Variants in EDIL3 observed in about 807,000 individuals in gnomAD.
The protein encoded by EDIL3 is EGF-like repeat and discoidin I-like domain-containing protein 3.
Under a neutral mutation model 67.4 loss-of-function variants are expected in EDIL3, and 37 were observed. The ratio of observed to expected loss-of-function variants is 0.55; its 90% CI spans 0.42 to 0.72. The LOEUF is 0.72. Ranked by LOEUF, EDIL3 falls within the 30% of genes least tolerant of loss-of-function variation. EDIL3 has a pLI of 0.00. For synonymous variants in EDIL3, 195 were observed against 196.3 expected (o/e 0.99, Z 0.05); for missense variants, 527 against 586.3 (o/e 0.90, Z 1.04).
intron 4 of EDIL3, among the ~76,000 whole-genome samples, chr5:84,156,067 A>G (rs1366417396): frequency 2.0e-5 from 3 of 152,204 alleles, no homozygotes; most frequent in Non-Finnish European, 4.4e-5. Context: ...GCTGGGAGAA[A>G]GTAGCAAGGC....
chr5:84,195,841 G>T (rs1743692424), intron 3 of EDIL3, among the ~76,000 whole-genome samples: 1 of 151,964 alleles, frequency 6.6e-6, no homozygotes, highest in South Asian at 2.1e-4. Context: ...TTATGTCATA[G>T]AACTTGAAGG....
chr5:84,328,234 T>C (rs1027241683), intron 1 of EDIL3, among the ~76,000 whole-genome samples: 3 of 152,056 alleles, frequency 2.0e-5, no homozygotes, highest in Non-Finnish European at 2.9e-5. Context: ...CTAGATGTTC[T>C]ATATGTGGAA....
At chr5:84,034,387 A>C (rs1745981523) in intron 9 of EDIL3, among the ~76,000 whole-genome samples, 1 of 152,094 alleles carries the variant, frequency 6.6e-6, no homozygotes, top group Non-Finnish European at 1.5e-5. Context: ...TATTTTGTCC[A>C]CATTTTAGGT....
chr5:84,294,939 T>G (rs1746013197), intron 1 of EDIL3, among the ~76,000 whole-genome samples: 1 of 152,162 alleles, frequency 6.6e-6, no homozygotes, highest in Non-Finnish European at 1.5e-5. Context: ...AAAATTGAAG[T>G]GTGACAGTAA....
At chr5:84,315,465 A>C (rs1194810866) in intron 1 of EDIL3, among the ~76,000 whole-genome samples, 2 of 152,212 alleles carry the variant, frequency 1.3e-5, no homozygotes, top group Non-Finnish European at 2.9e-5. Context: ...ATATTATAGC[A>C]TGATACCTTC....
chr5:84,307,873 T>G (rs1386305203), intron 1 of EDIL3, among the ~76,000 whole-genome samples: 1 of 151,868 alleles, frequency 6.6e-6, no homozygotes, highest in African/African-American at 2.4e-5. Context: ...GGAGGCAAAT[T>G]TGGGTTTGAA....
chr5:84,254,348 T>C (rs1745088647), intron 1 of EDIL3, 136 bp from the exon 2 acceptor site: 1 of 998,454 alleles, frequency 1.0e-6, no homozygotes, highest in Admixed American at 3.5e-5. Flanking sequence ...ACATAAGATC[T>C]GCAAGACTCA....
intron 3 of EDIL3, among the ~76,000 whole-genome samples, chr5:84,197,410 G>T (rs773183672): frequency 3.3e-5 from 5 of 151,898 alleles, no homozygotes; most frequent in Non-Finnish European, 5.9e-5. Flanking sequence ...ACAGAAGAGG[G>T]AAATAACATG....
At chr5:84,172,872 C>T (rs1400100782) in intron 4 of EDIL3, among the ~76,000 whole-genome samples, 1 of 152,146 alleles carries the variant, frequency 6.6e-6, no homozygotes, top group Non-Finnish European at 1.5e-5. Context: ...TGCATGCTTT[C>T]TGCAGGCAGT....
chr5:84,041,246 A>C (rs971892765), intron 9 of EDIL3, among the ~76,000 whole-genome samples: 2 of 152,052 alleles, frequency 1.3e-5, no homozygotes, highest in African/African-American at 4.8e-5. Context: ...AAGAACCCAA[A>C]TATATTTGTC....
intron 1 of EDIL3, among the ~76,000 whole-genome samples, chr5:84,347,058 C>A (rs894208303): frequency 1.3e-5 from 2 of 152,180 alleles, no homozygotes; most frequent in Non-Finnish European, 2.9e-5. Flanking sequence ...ATATCTTAAG[C>A]CTTCTAAGTC....
At chr5:84,170,356 A>AC (rs1336054068) in intron 4 of EDIL3, among the ~76,000 whole-genome samples, 2 of 152,270 alleles carry the variant, frequency 1.3e-5, no homozygotes, top group East Asian at 3.9e-4. Context: ...ACATAGTAAG[A>AC]CCCAATGCCA....
At chr5:84,022,621 T>A (rs1345625215) in intron 9 of EDIL3, among the ~76,000 whole-genome samples, 1 of 151,714 alleles carries the variant, frequency 6.6e-6, no homozygotes, top group Non-Finnish European at 1.5e-5. Context: ...GGTCATGATG[T>A]CAAGTGAAAT....
At chr5:84,382,443 T>C (rs954624856) in intron 1 of EDIL3, among the ~76,000 whole-genome samples, 1 of 152,088 alleles carries the variant, frequency 6.6e-6, no homozygotes, top group Non-Finnish European at 1.5e-5. Context: ...CGCGGCCACA[T>C]AGGCTAGACG....
At chr5:84,120,425 G>T (rs1245799525) in intron 5 of EDIL3, among the ~76,000 whole-genome samples, 1 of 151,982 alleles carries the variant, frequency 6.6e-6, no homozygotes, top group African/African-American at 2.4e-5. Flanking sequence ...AAGGAAGCTT[G>T]ATAAAACACT....
intron 9 of EDIL3, among the ~76,000 whole-genome samples, chr5:84,001,837 A>T (rs1745336616): frequency 6.6e-6 from 1 of 152,158 alleles, no homozygotes; most frequent in South Asian, 2.1e-4. Flanking sequence ...TTTAAAGAAG[A>T]GCTAATACTA....
At chr5:84,359,812 T>A (rs751081201) in intron 1 of EDIL3, among the ~76,000 whole-genome samples, 1 of 152,160 alleles carries the variant, frequency 6.6e-6, no homozygotes, top group Non-Finnish European at 1.5e-5. Context: ...GCACAGTCTA[T>A]GGGGCAGGTG....
At chr5:84,141,946 T>C (rs553618961) in intron 4 of EDIL3, among the ~76,000 whole-genome samples, 2,624 of 132,354 alleles carry the variant, frequency 0.02, 75 homozygotes, top group African/African-American at 0.049. Flanking sequence ...TATATATATA[T>C]ACATAGATCT....
At chr5:84,368,260 G>C (rs1580105829) in intron 1 of EDIL3, among the ~76,000 whole-genome samples, 1 of 152,100 alleles carries the variant, frequency 6.6e-6, no homozygotes, top group African/African-American at 2.4e-5. Flanking sequence ...GGTCTGACAC[G>C]AAGAGAGACA....
Sources: allele counts gnomAD v4.1 joint callset (sites outside exome capture counted in the v4.1 genomes callset), GRCh38; gene constraint gnomAD v4.1.1; transcripts MANE v1.5; gene names NCBI Gene and HGNC (gene_info 2026-07-23, HGNC 2026-07-21).